Variants in HSP90AB1 observed in about 807,000 individuals in gnomAD.
HSP90AB1 encodes heat shock protein 90 alpha family class B member 1, also known as heat shock protein HSP 90-beta.
In HSP90AB1, 17 loss-of-function variants were observed where a neutral mutation model predicts 67.8. The ratio of observed to expected loss-of-function variants is 0.25; its 90% CI spans 0.17 to 0.38. HSP90AB1 has a LOEUF of 0.38. HSP90AB1 is among the 10% of genes least tolerant of loss of function. The pLI, the probability that HSP90AB1 is intolerant of heterozygous loss-of-function variation, is 1.00. For synonymous variants in HSP90AB1, 390 were observed against 312.9 expected (o/e 1.25, Z -2.60); for missense variants, 690 against 899.9 (o/e 0.77, Z 2.98).
Position 44,249,806 on chromosome 6 carries a change from A to C in HSP90AB1, c.486A>C (p.Gly162=). Residue 162 remains glycine (G), a synonymous_variant, in exon 4 of 12, where the codon GGA becomes GGC. Transcript: ENST00000371646. ...AGTATGCTTGGGAGTCTTCTGCTGG[A>C]GGTTCCTTCACTGTGCGTGCTGACC... is the stretch of plus-strand genomic sequence containing the variant. ...DEQYAWESSA[G]GSFTVRADHG... The C allele has an allele frequency of 6.2e-7, 1 of 1,612,428 alleles. No homozygotes were observed. The highest frequency in any genetic ancestry group is 8.5e-7 in the Non-Finnish European group (1 of 1,179,088).
upstream of HSP90AB1, among the ~76,000 whole-genome samples, chr6:44,246,894 G>C (rs1174514999): frequency 6.6e-6 from 1 of 152,190 alleles, no homozygotes; most frequent in African/African-American, 2.4e-5. Flanking sequence ...TGAAACTATG[G>C]GGCTGTGATC....
In HSP90AB1 at chr6:44,248,663, G is replaced by A. The variant is rs768687833; in HGVS notation, c.34G>A (p.Val12Met). ...PEEVHHGEEE[V>M]ETFAFQAEIA... ...GGAAGTGCACCATGGAGAGGAGGAG[G>A]TGGAGACTTTTGCCTTTCAGGCAGA... Residue 12 changes from valine to methionine, a missense_variant, in exon 2 of 12, where the codon GTG becomes ATG. Physicochemically the swap from Val to Met is conservative, Grantham distance 21 (BLOSUM62 1). Coordinates refer to ENST00000371646, the MANE Select transcript of HSP90AB1 (RefSeq NM_007355.4). 3.7e-6 allele frequency: 6 copies of A among 1,613,868 alleles called. No homozygotes were observed. In the South Asian group the frequency reaches 5.5e-5, roughly 15 times the overall value.
chr6:44,250,225 C>A, intron 5 of HSP90AB1, 66 bp from the exon 6 acceptor site: 2 of 1,610,486 alleles, frequency 1.2e-6, no homozygotes, highest in South Asian at 1.1e-5. Flanking sequence ...ATCTCATTGT[C>A]CCTGGCTTTT....
At position 44,251,128 on chromosome 6, in the gene HSP90AB1, C is replaced by G. The variant is rs1007854640; in HGVS notation, c.1038C>G (p.Asn346Lys). Reference protein sequence around the residue: ...PRRAPFDLFENKKKKNNIKLY... With the variant: ...PRRAPFDLFEKKKKKNNIKLY... Reference sequence around the variant, plus strand: ...GGGCTCCCTTTGACCTTTTTGAGAACAAGAAGAAAAAGAACAACATCAAAC... The same window carrying G: ...GGGCTCCCTTTGACCTTTTTGAGAAGAAGAAGAAAAAGAACAACATCAAAC... The change falls in exon 7 of 12, where the codon AAC becomes AAG. Residue 346 changes from asparagine to lysine, a missense_variant. Asn to Lys is a moderately conservative substitution (Grantham distance 94). Transcript: ENST00000371646. 4.3e-6 allele frequency: 7 copies of G among 1,613,910 alleles called. No homozygotes were observed. Among genetic ancestry groups the G allele is most frequent in the South Asian group, 1.1e-5 (1 of 91,090 alleles).
chr6:44,252,627 C>T (rs541818902), intron 10 of HSP90AB1, among the ~76,000 whole-genome samples: 1 of 152,240 alleles, frequency 6.6e-6, no homozygotes, highest in Non-Finnish European at 1.5e-5. Context: ...TCCTGAGTAG[C>T]TGCCACTACA....
At position 44,249,379 on chromosome 6, in the gene HSP90AB1, C is replaced by T; in HGVS notation, c.150C>T (p.Ala50=). ...LRELISNASD[A]LDKIRYESLT... ...TAAGTTGCTGTTTGTATTTCCAGGC[C>T]TTGGACAAGATTCGCTATGAGAGCC... Residue 50 remains alanine (A), a splice_region_variant and synonymous_variant, in exon 3 of 12, where the codon GCC becomes GCT. Coordinates refer to ENST00000371646, the MANE Select transcript of HSP90AB1 (RefSeq NM_007355.4). The T allele has an allele frequency of 4.3e-6, 7 of 1,613,426 alleles. No individual in the cohort carries two copies. Among genetic ancestry groups the T allele is most frequent in the Admixed American group, 1.7e-5 (1 of 60,018 alleles).
chr6:44,248,425 T>A (rs3823250), intron 1 of HSP90AB1, among the ~76,000 whole-genome samples: 2 of 152,236 alleles, frequency 1.3e-5, no homozygotes, highest in East Asian at 3.8e-4. Context: ...CTTATTTTCT[T>A]TTTCCTTCTG....
At position 44,250,346 on chromosome 6, in the gene HSP90AB1, G is replaced by A; in HGVS notation, c.704G>A (p.Gly235Asp). The A allele has an allele frequency of 1.2e-6, 2 of 1,613,778 alleles. No individual in the cohort carries two copies. The highest frequency in any genetic ancestry group is 1.7e-6 in the Non-Finnish European group (2 of 1,179,734). Residue 235 changes from glycine to aspartate, a missense_variant, in exon 6 of 12, where the codon GGT becomes GAT. Coordinates refer to ENST00000371646, the MANE Select transcript of HSP90AB1 (RefSeq NM_007355.4). ...ISDDEAEEEK[G>D]EKEEEDKDDE... ...GATGATGAGGCAGAGGAAGAGAAAGGTGAGAAAGAAGAGGAAGATAAAGAT... is the reference window on the plus strand; with the variant it reads ...GATGATGAGGCAGAGGAAGAGAAAGATGAGAAAGAAGAGGAAGATAAAGAT...
chr6:44,253,282 C>G lies in HSP90AB1; in HGVS notation c.1969C>G (p.Leu657Val), dbSNP rs756423025. 2 of 1,614,208 alleles carry G rather than the reference C, an allele frequency of 1.2e-6. No individual in the cohort carries two copies. Among genetic ancestry groups the G allele is most frequent in the South Asian group, 1.1e-5 (1 of 91,084 alleles). ...NDKAVKDLVVLLFETALLSSG... is the reference protein window; with the variant it reads ...NDKAVKDLVVVLFETALLSSG... ...TAAGGCAGTTAAGGACCTGGTGGTG[C>G]TGCTGTTTGAAACCGCCCTGCTATC... Residue 657 changes from leucine (L) to valine (V), a missense_variant, in exon 11 of 12, where the codon CTG becomes GTG. Around this residue, in one of 7 missense-constraint regions of HSP90AB1, gnomAD observed 120 missense variants for 153.5 expected, o/e 0.78. Coordinates refer to ENST00000371646, the MANE Select transcript of HSP90AB1 (RefSeq NM_007355.4).
chr6:44,251,318 G>A (rs1582985862), intron 7 of HSP90AB1, 100 bp from the exon 8 acceptor site: 3 of 1,530,824 alleles, frequency 2.0e-6, no homozygotes, highest in East Asian at 4.5e-5. Flanking sequence ...CATAGTAGGT[G>A]TAAGGGTTCA....
Position 44,250,022 on chromosome 6 carries a change from T to C in HSP90AB1, c.516T>C (p.Gly172=), listed in dbSNP as rs143528844. Residue 172 remains glycine (G), a splice_region_variant and synonymous_variant, in exon 5 of 12, where the codon GGT becomes GGC. Coordinates refer to ENST00000371646, the MANE Select transcript of HSP90AB1 (RefSeq NM_007355.4). ...GGSFTVRADH[G]EPIGRGTKVI... ...CACGCTTGTAATTGACTCTTCTAGG[T>C]GAGCCCATTGGCAGGGGTACCAAAG... The C allele has an allele frequency of 1.7e-5, 27 of 1,614,032 alleles. No homozygotes were observed. The African/African-American group carries it at 3.5e-4, about 21-fold the overall frequency.
intron 2 of HSP90AB1, 142 bp downstream of exon 2, chr6:44,248,918 C>T: frequency 1.3e-6 from 1 of 774,496 alleles, no homozygotes; most frequent in Admixed American, 2.3e-5. Flanking sequence ...GGGTTTTACT[C>T]TGGCCATCTT....
Position 44,250,403 on chromosome 6 carries a change from G to A in HSP90AB1, c.761G>A (p.Gly254Asp). Reference sequence around the variant, plus strand: ...GAAAAACCCAAGATCGAAGATGTGGGTTCAGATGAGGAGGATGACAGCGGT... The same window carrying A: ...GAAAAACCCAAGATCGAAGATGTGGATTCAGATGAGGAGGATGACAGCGGT... ...DEEKPKIEDV[G>D]SDEEDDSGKD... Residue 254 changes from glycine (G) to aspartate (D), a missense_variant, in exon 6 of 12, where the codon GGT becomes GAT. By Grantham distance (94) the Gly-to-Asp change is moderately conservative. Around this residue, in one of 7 missense-constraint regions of HSP90AB1, gnomAD observed 146 missense variants for 143.7 expected, o/e 1.02. Transcript: ENST00000371646. The A allele has an allele frequency of 1.9e-6, 3 of 1,613,668 alleles. No homozygotes were observed. The highest frequency in any genetic ancestry group is 2.5e-6 in the Non-Finnish European group (3 of 1,179,706).
At chr6:44,249,855 C>A in intron 4 of HSP90AB1, 21 bp downstream of exon 4, 1 of 1,599,950 alleles carries the variant, frequency 6.3e-7, no homozygotes, top group Non-Finnish European at 8.5e-7. Context: ...TTTTCTGTTA[C>A]AAGGTAGTTG....
intron 7 of HSP90AB1, 69 bp downstream of exon 7, chr6:44,251,282 T>G (rs1212167935): frequency 3.0e-5 from 47 of 1,577,536 alleles, no homozygotes; most frequent in Non-Finnish European, 4.0e-5. Flanking sequence ...TGCTAGGATA[T>G]TCTAAGGTAA....
chr6:44,248,844 G>A (rs757510083), intron 2 of HSP90AB1, 68 bp downstream of exon 2: 5 of 1,470,952 alleles, frequency 3.4e-6, no homozygotes, highest in Non-Finnish European at 4.7e-6. Flanking sequence ...GGGGAAAGGA[G>A]TGGTTTGGCC....
Position 44,251,776 on chromosome 6 carries a change from T to A in HSP90AB1, c.1354T>A (p.Ser452Thr). 6.2e-7 allele frequency: 1 copy of A among 1,613,552 alleles called. No homozygotes were observed. Among genetic ancestry groups the A allele is most frequent in the Non-Finnish European group, 8.5e-7 (1 of 1,180,038 alleles). Reference sequence around the variant, plus strand: ...AGACTCCACTAACCGCCGCCGCCTGTCTGAGCTGCTGCGCTATCATACCTC... The same window carrying A: ...AGACTCCACTAACCGCCGCCGCCTGACTGAGCTGCTGCGCTATCATACCTC... ...HEDSTNRRRLSELLRYHTSQS... is the reference protein window; with the variant it reads ...HEDSTNRRRLTELLRYHTSQS... Residue 452 changes from serine to threonine, a missense_variant, in exon 9 of 12, where the codon TCT becomes ACT. Transcript: ENST00000371646.
intron 1 of HSP90AB1, chr6:44,248,082 G>A (rs1780173121): frequency 6.6e-6 from 1 of 152,434 alleles, no homozygotes; most frequent in South Asian, 2.1e-4. Context: ...CTCCTCCGGT[G>A]GGTATCGTAT....
rs370670609 is a variant in HSP90AB1 at position 44,253,716 on chromosome 6, T to TC, written c.*121dup. 19 of 813,482 alleles carry TC rather than the reference T, an allele frequency of 2.3e-5. No individual in the cohort carries two copies. The highest frequency in any genetic ancestry group is 2.2e-4 in the East Asian group (9 of 41,382). 50.4% of individuals were successfully genotyped at this position (813,482 alleles called of 1,614,324 possible). On this transcript the variant is annotated 3_prime_UTR_variant, in exon 12 of 12. Transcript: ENST00000371646. ...CCCCTGCTGGTGTCTAGTGTTTTTTTCCCTCTCCTGTCCTTGTGTTGAAGG... is the reference window on the plus strand; with the variant it reads ...CCCCTGCTGGTGTCTAGTGTTTTTTTCCCCTCTCCTGTCCTTGTGTTGAAGG...
Sources: gnomAD v4.1 joint callset for allele counts (sites outside exome capture counted in the v4.1 genomes callset) on GRCh38, gnomAD v4.1.1 for gene constraint, gnomAD v4.1.1 regional missense constraint, MANE v1.5 for transcripts, NCBI Gene and HGNC (gene_info 2026-07-23, HGNC 2026-07-21) for gene names.